Variants in RYK observed in about 807,000 individuals in gnomAD.
RYK encodes the protein inactive tyrosine-protein kinase RYK.
A neutral mutation model predicts 70.2 loss-of-function variants in RYK; 21 were observed. That is an observed-to-expected ratio of 0.30 (90% CI 0.21 to 0.43). The LOEUF is 0.43. RYK is among the 20% of genes least tolerant of loss of function. RYK has a pLI of 1.00. For missense variants in RYK, 604 were observed against 753.3 expected (o/e 0.80, Z 2.32); for synonymous variants, 267 against 278.0 (o/e 0.96, Z 0.39).
chr3:134,177,582 T>C (rs150719846), intron 11 of RYK, among the ~76,000 whole-genome samples: 4 of 152,354 alleles, frequency 2.6e-5, no homozygotes, highest in Non-Finnish European at 5.9e-5. Context: ...TGGTATAGTA[T>C]GAACCAAATG....
intron 6 of RYK, among the ~76,000 whole-genome samples, chr3:134,200,877 T>C (rs1333316541): frequency 6.6e-6 from 1 of 152,238 alleles, no homozygotes; most frequent in East Asian, 1.9e-4. Flanking sequence ...CTGGAAACTT[T>C]TGCCTGAAAA....
chr3:134,240,652 C>T (rs939435847), intron 1 of RYK, among the ~76,000 whole-genome samples: 1 of 152,130 alleles, frequency 6.6e-6, no homozygotes. Flanking sequence ...CAGAATATGA[C>T]ATATACCAGT....
intron 13 of RYK, among the ~76,000 whole-genome samples, chr3:134,168,888 C>T (rs2012791599): frequency 6.6e-6 from 1 of 152,100 alleles, no homozygotes; most frequent in Non-Finnish European, 1.5e-5. Context: ...CAGACTCTCC[C>T]GCTCAGGTCG....
At chr3:134,213,779 C>T (rs1193680691) in intron 2 of RYK, among the ~76,000 whole-genome samples, 1 of 152,138 alleles carries the variant, frequency 6.6e-6, no homozygotes, top group Non-Finnish European at 1.5e-5. Context: ...CTCATGCCCT[C>T]ATGCAAATCC....
At position 134,175,344 on chromosome 3, in the gene RYK, A is replaced by T. The variant is rs1175862371; in HGVS notation, c.1575+265T>A. 3.6e-3 allele frequency among the ~76,000 whole-genome samples: 370 copies of T among 103,558 alleles called. 1 individual carries two copies. Among genetic ancestry groups the T allele is most frequent in the African/African-American group, 0.017 (355 of 20,472 alleles). The allele number at this position is 103,558 out of a possible 152,430, so 67.9% of individuals were successfully genotyped here. ...GGCTACAAGAGTGGAACTCTGTCTTAAAAAAAAAAAAAAAAAAAGTGCTTC... is the reference window on the plus strand; with the variant it reads ...GGCTACAAGAGTGGAACTCTGTCTTTAAAAAAAAAAAAAAAAAAGTGCTTC... On this transcript the variant is annotated intron_variant, in intron 13 of 14. Transcript: ENST00000623711.
At chr3:134,169,092 C>T (rs557457099) in intron 13 of RYK, among the ~76,000 whole-genome samples, 5 of 152,152 alleles carry the variant, frequency 3.3e-5, no homozygotes, top group Non-Finnish European at 7.3e-5. Context: ...TTTGTCCTAT[C>T]CCCTAAAAAC....
At chr3:134,165,877 T>C (rs2012648927) in intron 13 of RYK, among the ~76,000 whole-genome samples, 1 of 152,252 alleles carries the variant, frequency 6.6e-6, no homozygotes, top group African/African-American at 2.4e-5. Flanking sequence ...TTTGCTTTTA[T>C]AGGTTCAGAG....
At chr3:134,167,874 A>C (rs1440375843) in intron 13 of RYK, among the ~76,000 whole-genome samples, 1 of 152,216 alleles carries the variant, frequency 6.6e-6, no homozygotes, top group African/African-American at 2.4e-5. Flanking sequence ...TAATCTACTC[A>C]TCTGACAAAG....
At chr3:134,196,381 T>A (rs957966642) in intron 6 of RYK, among the ~76,000 whole-genome samples, 1 of 152,150 alleles carries the variant, frequency 6.6e-6, no homozygotes, top group Non-Finnish European at 1.5e-5. Context: ...TTCCTTAATA[T>A]GCAAAATCTT....
chr3:134,174,399 T>A (rs1022563880), intron 13 of RYK, among the ~76,000 whole-genome samples: 2 of 152,226 alleles, frequency 1.3e-5, no homozygotes, highest in Non-Finnish European at 2.9e-5. Flanking sequence ...CAGTAATACA[T>A]GATTAAAAGA....
chr3:134,241,953 G>A (rs1056730165), intron 1 of RYK, among the ~76,000 whole-genome samples: 2 of 152,288 alleles, frequency 1.3e-5, no homozygotes, highest in South Asian at 2.1e-4. Flanking sequence ...TAAATTACAG[G>A]TGATCCCTAA....
chr3:134,183,703 C>T (rs1480287444), intron 9 of RYK, among the ~76,000 whole-genome samples: 2 of 152,178 alleles, frequency 1.3e-5, no homozygotes, highest in Non-Finnish European at 2.9e-5. Flanking sequence ...CTAAGAGTCT[C>T]TGTTACAGAT....
At chr3:134,197,547 A>C (rs2013854175) in intron 6 of RYK, among the ~76,000 whole-genome samples, 1 of 152,220 alleles carries the variant, frequency 6.6e-6, no homozygotes, top group Non-Finnish European at 1.5e-5. Context: ...AATTATGTGA[A>C]TATTATGCAT....
chr3:134,230,112 T>C (rs1251804502), intron 1 of RYK, among the ~76,000 whole-genome samples: 1 of 152,202 alleles, frequency 6.6e-6, no homozygotes, highest in Non-Finnish European at 1.5e-5. Flanking sequence ...CGAACGTTTT[T>C]ATTTTTGAGA....
intron 6 of RYK, among the ~76,000 whole-genome samples, chr3:134,201,943 A>C (rs988303516): frequency 6.6e-6 from 1 of 152,124 alleles, no homozygotes; most frequent in Non-Finnish European, 1.5e-5. Context: ...TCTCACCCTA[A>C]CTTGACTATA....
chr3:134,176,119 C>G, intron 11 of RYK, 80 bp from the exon 12 acceptor site: 1 of 814,356 alleles, frequency 1.2e-6, no homozygotes, highest in Non-Finnish European at 2.0e-6. Flanking sequence ...ATTCCACAAT[C>G]CTACTCCATC....
chr3:134,247,388 G>C (rs573042947), intron 1 of RYK, among the ~76,000 whole-genome samples: 16 of 152,296 alleles, frequency 1.1e-4, no homozygotes, highest in Admixed American at 9.8e-4. Context: ...AAAGACAAAA[G>C]CAAGAGCCTG....
intron 1 of RYK, among the ~76,000 whole-genome samples, chr3:134,242,232 G>C (rs1244952771): frequency 6.6e-6 from 1 of 151,790 alleles, no homozygotes; most frequent in Non-Finnish European, 1.5e-5. Context: ...TTGAACCCAG[G>C]AGGCAGAGGT....
intron 9 of RYK, among the ~76,000 whole-genome samples, chr3:134,184,158 T>C (rs2013388695): frequency 6.6e-6 from 1 of 152,200 alleles, no homozygotes; most frequent in South Asian, 2.1e-4. Flanking sequence ...AATAATACAG[T>C]AGTAAAAATA....
Sources: allele counts gnomAD v4.1 joint callset (sites outside exome capture counted in the v4.1 genomes callset), GRCh38; gene constraint gnomAD v4.1.1; transcripts MANE v1.5; gene names NCBI Gene and HGNC (gene_info 2026-07-23, HGNC 2026-07-21).